Variants in ERG observed in about 807,000 individuals in gnomAD.
ERG encodes transcriptional regulator ERG.
In ERG, 9 loss-of-function variants were observed where a neutral mutation model predicts 55.3. The ratio of observed to expected loss-of-function variants is 0.16; its 90% CI spans 0.10 to 0.28. The LOEUF (loss-of-function observed/expected upper bound fraction) is 0.28, where lower values mean the gene tolerates loss of function less well. Among genes scored for constraint, ERG ranks in the 10% least tolerant of loss-of-function variants. ERG has a pLI of 1.00. For missense variants in ERG, 434 were observed against 631.6 expected (o/e 0.69, Z 3.35); for synonymous variants, 223 against 237.3 (o/e 0.94, Z 0.55).
At chr21:38,367,573 A>G in the ERG span, 6 of 506,802 alleles carry the variant, frequency 1.2e-5, 1 homozygote, top group East Asian at 4.0e-5. Context: ...GCTGCCTTCT[A>G]TGACCCAGTC....
At chr21:38,490,345 A>G (rs2059324919) in intron 1 of ERG, among the ~76,000 whole-genome samples, 1 of 152,186 alleles carries the variant, frequency 6.6e-6, no homozygotes, top group Non-Finnish European at 1.5e-5. Context: ...TAGTAAAATT[A>G]ACTAACTTTG....
intron 2 of ERG, among the ~76,000 whole-genome samples, chr21:38,429,765 C>CACT (rs1314460304): frequency 9.8e-4 from 125 of 127,208 alleles, no homozygotes; most frequent in South Asian, 9.6e-3. Context: ...ACACACACAC[C>CACT]ACATTTTCTT....
intron 2 of ERG, among the ~76,000 whole-genome samples, chr21:38,569,127 C>A (rs144611598): frequency 3.8e-4 from 58 of 152,344 alleles, no homozygotes; most frequent in African/African-American, 1.3e-3. Flanking sequence ...TGACCCATGC[C>A]CTGAGTGGCA....
At chr21:38,564,085 A>G (rs1281218411) in intron 2 of ERG, among the ~76,000 whole-genome samples, 1 of 152,112 alleles carries the variant, frequency 6.6e-6, no homozygotes, top group East Asian at 1.9e-4. Context: ...ACTAAGAGAA[A>G]AAAAAAAACT....
At chr21:38,553,953 G>A (rs573945268) in intron 2 of ERG, among the ~76,000 whole-genome samples, 1 of 149,898 alleles carries the variant, frequency 6.7e-6, no homozygotes, top group South Asian at 2.2e-4. Flanking sequence ...CTAATATGCA[G>A]AATCTATAAA....
Position 38,403,627 on chromosome 21 carries a change from G to C in ERG, c.471C>G (p.Ile157Met). Reference protein sequence around the residue: ...VKEYGLPDVNILLFQNIDGKE... With the variant: ...VKEYGLPDVNMLLFQNIDGKE... ...TCCCATCGATGTTCTGGAATAACAA[G>C]ATGTTGACGTCTGGAAGGCCATATT... Residue 157 changes from isoleucine (I) to methionine (M), a missense_variant, in exon 4 of 10, where the codon ATC becomes ATG. This residue lies in a region of ERG where 212 missense variants were observed against 262.9 expected (regional missense o/e 0.81). Transcript: ENST00000288319. 6.2e-7 allele frequency: 1 copy of C among 1,614,166 alleles called. No individual in the cohort carries two copies. The highest frequency in any genetic ancestry group is 8.5e-7 in the Non-Finnish European group (1 of 1,180,014).
chr21:38,585,831 G>C (rs1292888998), upstream of ERG, among the ~76,000 whole-genome samples: 1 of 151,782 alleles, frequency 6.6e-6, no homozygotes, highest in African/African-American at 2.4e-5. Flanking sequence ...CCTATGCATA[G>C]AGGCAAATTG....
At chr21:38,583,388 C>T (rs1181731553) in intron 1 of ERG, among the ~76,000 whole-genome samples, 1 of 152,158 alleles carries the variant, frequency 6.6e-6, no homozygotes, top group African/African-American at 2.4e-5. Flanking sequence ...ATCCTGTGCC[C>T]CAGTCACCTT....
At chr21:38,618,778 G>A (rs1447362431) in intron 1 of ERG, among the ~76,000 whole-genome samples, 1 of 152,180 alleles carries the variant, frequency 6.6e-6, no homozygotes, top group Non-Finnish European at 1.5e-5. Context: ...GTGGGTTCTA[G>A]CTCCCCTCTA....
intron 1 of ERG, among the ~76,000 whole-genome samples, chr21:38,463,680 T>G (rs2059063623): frequency 6.6e-6 from 1 of 152,080 alleles, no homozygotes; most frequent in Non-Finnish European, 1.5e-5. Flanking sequence ...CATTTCCAGA[T>G]GGAGAAACTG....
intron 3 of ERG, among the ~76,000 whole-genome samples, chr21:38,406,154 C>CAAAAAAAAAAAAAAAAAAAAAAAAAAA (rs56711562): frequency 2.1e-5 from 2 of 95,080 alleles, no homozygotes; most frequent in African/African-American, 8.2e-5. Context: ...GACTCCATCT[C>CAAAAAAAAAAAAAAAAAAAAAAAAAAA]AAAAAAAAAA....
chr21:38,468,579 A>G (rs1271363430), intron 1 of ERG, among the ~76,000 whole-genome samples: 1 of 152,164 alleles, frequency 6.6e-6, no homozygotes, highest in Non-Finnish European at 1.5e-5. Flanking sequence ...AAAGAATTGA[A>G]CATTCTAAAG....
chr21:38,503,532 G>A (rs1051819045), intron 2 of ERG, among the ~76,000 whole-genome samples: 6 of 133,074 alleles, frequency 4.5e-5, no homozygotes, highest in East Asian at 2.0e-4. Context: ...TCCAGTCACC[G>A]CATGTCTCGG....
intron 2 of ERG, among the ~76,000 whole-genome samples, chr21:38,433,943 C>T (rs572761895): frequency 1.3e-5 from 2 of 152,236 alleles, no homozygotes; most frequent in East Asian, 1.9e-4. Context: ...CACCTGGACA[C>T]GACTTTCCAA....
chr21:38,386,484 G>A (rs1292084693), intron 9 of ERG, among the ~76,000 whole-genome samples: 1 of 152,206 alleles, frequency 6.6e-6, no homozygotes, highest in Non-Finnish European at 1.5e-5. Context: ...AACAATGGTT[G>A]TTAAAAAATT....
At chr21:38,489,778 C>T (rs1016445670) in intron 1 of ERG, among the ~76,000 whole-genome samples, 1 of 152,212 alleles carries the variant, frequency 6.6e-6, no homozygotes, top group Non-Finnish European at 1.5e-5. Flanking sequence ...TGCACCGTCC[C>T]AGATTTCCTG....
At chr21:38,439,838 G>A (rs1196547772) in intron 2 of ERG, among the ~76,000 whole-genome samples, 1 of 152,216 alleles carries the variant, frequency 6.6e-6, no homozygotes, top group East Asian at 1.9e-4. Context: ...CTGAGGTTTT[G>A]TAGAATTCCA....
intron 1 of ERG, among the ~76,000 whole-genome samples, chr21:38,630,036 T>A (rs972459379): frequency 6.6e-6 from 1 of 152,120 alleles, no homozygotes; most frequent in African/African-American, 2.4e-5. Context: ...TCCACTTACA[T>A]GAGCTACCTA....
chr21:38,588,629 G>A (rs1439528041), upstream of ERG, among the ~76,000 whole-genome samples: 2 of 152,226 alleles, frequency 1.3e-5, no homozygotes, highest in Non-Finnish European at 2.9e-5. Flanking sequence ...AAAACTGTGA[G>A]TAAGAGGCTC....
Sources: allele counts gnomAD v4.1 joint callset (sites outside exome capture counted in the v4.1 genomes callset), GRCh38; gene constraint gnomAD v4.1.1; regional missense constraint gnomAD v4.1.1; transcripts MANE v1.5; gene names NCBI Gene and HGNC (gene_info 2026-07-23, HGNC 2026-07-21).